The following FHOD3 variants were observed in gnomAD, a reference collection of about 807,000 sequenced individuals.
The protein encoded by FHOD3 is FH1/FH2 domain-containing protein 3.
FHOD3 carries 90 observed loss-of-function variants against 173.0 expected under a neutral mutation model. The observed-to-expected ratio is 0.52, with a 90% CI of 0.44 to 0.62. FHOD3 has a LOEUF of 0.62. FHOD3 is among the 20% of genes least tolerant of loss of function. The pLI is 0.00. For synonymous variants in FHOD3, 828 were observed against 823.0 expected (o/e 1.01, Z -0.10); for missense variants, 1,945 against 2,034.7 (o/e 0.96, Z 0.85).
intron 1 of FHOD3, among the ~76,000 whole-genome samples, chr18:36,338,053 G>T (rs968353996): frequency 1.3e-5 from 2 of 152,182 alleles, no homozygotes; most frequent in African/African-American, 4.8e-5. Flanking sequence ...ATTACTAAGG[G>T]AACGGAGTAG....
At chr18:36,479,944 G>A (rs1328586639) in intron 3 of FHOD3, among the ~76,000 whole-genome samples, 1 of 152,262 alleles carries the variant, frequency 6.6e-6, no homozygotes, top group Non-Finnish European at 1.5e-5. Context: ...AGAATCAGAA[G>A]CAAATTAACC....
At chr18:36,661,121 G>C (rs1030326360) in intron 14 of FHOD3, among the ~76,000 whole-genome samples, 3 of 150,234 alleles carry the variant, frequency 2.0e-5, no homozygotes, top group Non-Finnish European at 4.4e-5. Flanking sequence ...TGTAAGTGGG[G>C]GAAAAAAAAA....
At chr18:36,716,044 A>T (rs1489087726) in intron 18 of FHOD3, among the ~76,000 whole-genome samples, 1 of 152,108 alleles carries the variant, frequency 6.6e-6, no homozygotes, top group Admixed American at 6.5e-5. Flanking sequence ...GTAAGGAAGG[A>T]TCATGGAAGG....
At chr18:36,502,568 A>G (rs1326207770) in intron 4 of FHOD3, among the ~76,000 whole-genome samples, 2 of 152,204 alleles carry the variant, frequency 1.3e-5, no homozygotes, top group Non-Finnish European at 2.9e-5. Flanking sequence ...TGCAAAGGAC[A>G]TGAACTCATT....
At chr18:36,733,711 CGGATAT>C (rs2041487580) in intron 20 of FHOD3, among the ~76,000 whole-genome samples, 1 of 152,100 alleles carries the variant, frequency 6.6e-6, no homozygotes, top group East Asian at 1.9e-4. Context: ...ATGACGCTGA[CGGATAT>C]GGGAGTAGCA....
At chr18:36,749,022 C>A (rs2042287918) in intron 24 of FHOD3, among the ~76,000 whole-genome samples, 1 of 151,746 alleles carries the variant, frequency 6.6e-6, no homozygotes. Flanking sequence ...AGCTGGTAAC[C>A]AGAGGGATCA....
intron 4 of FHOD3, among the ~76,000 whole-genome samples, chr18:36,509,426 C>CAAAAAAA (rs34772691): frequency 6.0e-4 from 33 of 54,732 alleles, no homozygotes; most frequent in African/African-American, 1.3e-3. Context: ...GACTCCATCT[C>CAAAAAAA]AAAAAAAAAA....
chr18:36,687,238 T>C, intron 16 of FHOD3, 60 bp downstream of exon 16: 1 of 1,232,182 alleles, frequency 8.1e-7, no homozygotes. Context: ...ACTGTTAACC[T>C]AGCATGCAGA....
chr18:36,508,659 AAAAC>A (rs1214659637), intron 4 of FHOD3, among the ~76,000 whole-genome samples: 4 of 151,990 alleles, frequency 2.6e-5, no homozygotes, highest in South Asian at 2.1e-4. Flanking sequence ...AAAAAAAAAA[AAAAC>A]AGGTGAAAGA....
chr18:36,512,031 A>C (rs1009393495), intron 4 of FHOD3, among the ~76,000 whole-genome samples: 13 of 152,242 alleles, frequency 8.5e-5, no homozygotes, highest in African/African-American at 2.9e-4. Flanking sequence ...AGTGGCTTTG[A>C]GTTCCTCACC....
intron 3 of FHOD3, among the ~76,000 whole-genome samples, chr18:36,471,982 A>G (rs1463304572): frequency 6.6e-6 from 1 of 152,210 alleles, no homozygotes; most frequent in Non-Finnish European, 1.5e-5. Flanking sequence ...TTTAGTTCCC[A>G]GGGTTAAAGT....
chr18:36,706,856 T>G (rs1404765568), intron 17 of FHOD3, among the ~76,000 whole-genome samples: 1 of 151,284 alleles, frequency 6.6e-6, no homozygotes, highest in African/African-American at 2.4e-5. Flanking sequence ...TGTTTTGATG[T>G]GGCTATTTTG....
chr18:36,414,681 C>A (rs926911955), intron 3 of FHOD3, among the ~76,000 whole-genome samples: 1 of 152,190 alleles, frequency 6.6e-6, no homozygotes, highest in East Asian at 1.9e-4. Context: ...GCAACAGTGG[C>A]GGCAGTAGAA....
chr18:36,750,388 C>G (rs2042352661), intron 24 of FHOD3, among the ~76,000 whole-genome samples: 1 of 152,178 alleles, frequency 6.6e-6, no homozygotes, highest in Non-Finnish European at 1.5e-5. Flanking sequence ...GACATTAGAC[C>G]TTTGTCAGAT....
At chr18:36,523,847 A>G (rs993250535) in intron 5 of FHOD3, among the ~76,000 whole-genome samples, 1 of 152,158 alleles carries the variant, frequency 6.6e-6, no homozygotes, top group Non-Finnish European at 1.5e-5. Flanking sequence ...TGCATGCTCC[A>G]TATTAATTGC....
intron 3 of FHOD3, among the ~76,000 whole-genome samples, chr18:36,398,248 A>G (rs2048644166): frequency 6.6e-6 from 1 of 152,226 alleles, no homozygotes; most frequent in African/African-American, 2.4e-5. Flanking sequence ...ATTCAGTGCT[A>G]TGAATTGAAC....
chr18:36,575,990 A>T (rs534559899), intron 5 of FHOD3, among the ~76,000 whole-genome samples: 1 of 152,314 alleles, frequency 6.6e-6, no homozygotes, highest in South Asian at 2.1e-4. Context: ...ATAAAATTGG[A>T]TTAACCCAGG....
At chr18:36,523,042 T>C (rs1329871003) in intron 5 of FHOD3, among the ~76,000 whole-genome samples, 2 of 152,230 alleles carry the variant, frequency 1.3e-5, no homozygotes, top group African/African-American at 2.4e-5. Flanking sequence ...GACTTGTTTC[T>C]GGAGCCAGTT....
At chr18:36,450,962 G>A (rs1162770798) in intron 3 of FHOD3, among the ~76,000 whole-genome samples, 1 of 152,206 alleles carries the variant, frequency 6.6e-6, no homozygotes, top group African/African-American at 2.4e-5. Flanking sequence ...TCCAGTCTCT[G>A]AGGTCTTACA....
Sources: gnomAD v4.1 joint callset for allele counts (sites outside exome capture counted in the v4.1 genomes callset) on GRCh38, gnomAD v4.1.1 for gene constraint, MANE v1.5 for transcripts, NCBI Gene and HGNC (gene_info 2026-07-23, HGNC 2026-07-21) for gene names.